Variants in MYLK3 observed in about 807,000 individuals in gnomAD.
MYLK3 encodes MLC kinase.
MYLK3 carries 55 observed loss-of-function variants against 76.3 expected under a neutral mutation model. The observed-to-expected ratio is 0.72, with a 90% CI of 0.58 to 0.90. MYLK3 has a LOEUF of 0.90. MYLK3 is among the 40% of genes least tolerant of loss of function. MYLK3 has a pLI of 0.00. For missense variants in MYLK3, 973 were observed against 1,053.6 expected, an observed-to-expected ratio of 0.92 and a Z score of 1.06; for synonymous variants, 416 against 425.4, an observed-to-expected ratio of 0.98 and a Z score of 0.27.
At chr16:46,725,133 T>G (rs1479728610) in intron 8 of MYLK3, among the ~76,000 whole-genome samples, 2 of 152,238 alleles carry the variant, frequency 1.3e-5, no homozygotes, top group Non-Finnish European at 2.9e-5. Flanking sequence ...AATTGATTTT[T>G]GTATATTTGT....
chr16:46,749,467 A>G (rs1967089879), upstream of MYLK3, among the ~76,000 whole-genome samples: 1 of 152,244 alleles, frequency 6.6e-6, no homozygotes, highest in African/African-American at 2.4e-5. Flanking sequence ...GACATTTGGA[A>G]TCTAAAAGCA....
At chr16:46,740,553 T>TATATATATA (rs1316569378) in intron 1 of MYLK3, among the ~76,000 whole-genome samples, 1 of 88,508 alleles carries the variant, frequency 1.1e-5, no homozygotes, top group Non-Finnish European at 2.2e-5. Context: ...ATATATATAT[T>TATATATATA]TTTTTTTTTT....
chr16:46,758,255 C>CCT lies in MYLK3; in HGVS notation c.-114+4783_-114+4784dup, dbSNP rs1216069672. Among the ~76,000 whole-genome samples, 8 of 143,802 alleles carry CCT rather than the reference C, an allele frequency of 5.6e-5. No homozygotes were observed. In the East Asian group the frequency reaches 8.5e-4, roughly 15 times the overall value. 94.3% of individuals were successfully genotyped at this position (143,802 alleles called of 152,430 possible). A position where few individuals can be genotyped will look rare whatever the true frequency, so the allele number is the denominator to read the frequency against. ...CACACTGCCATACACACACACACTG[C>CCT]CTCTCTCTCTCCACACACACACACA... On this transcript the variant is annotated intron_variant, in intron 1 of 11. Coordinates refer to the MYLK3 transcript ENST00000536476.
intron 1 of MYLK3, among the ~76,000 whole-genome samples, chr16:46,740,550 TA>T (rs1461874872): frequency 1.9e-4 from 19 of 98,096 alleles, no homozygotes; most frequent in African/African-American, 7.4e-4. Context: ...TATATATATA[TA>T]TTTTTTTTTT....
At chr16:46,708,402 G>A (rs1337731073) in intron 12 of MYLK3, among the ~76,000 whole-genome samples, 1 of 152,148 alleles carries the variant, frequency 6.6e-6, no homozygotes, top group African/African-American at 2.4e-5. Context: ...AAACCAAGTG[G>A]CACAGAATAG....
At position 46,706,633 on chromosome 16, in the gene MYLK3, G is replaced by C. The variant is rs1966629414; in HGVS notation, c.*1071C>G. 6.6e-6 allele frequency: 1 copy of C among 152,160 alleles called. No homozygotes were observed. The highest frequency in any genetic ancestry group is 1.5e-5 in the Non-Finnish European group (1 of 68,018). The allele number at this position is 152,160 out of a possible 1,614,324, so 9.4% of individuals were successfully genotyped here. On this transcript the variant is annotated 3_prime_UTR_variant, in exon 13 of 13. Transcript: ENST00000394809. ...TTACAATAAAGTAAGCTAGAGAAAA[G>C]TTACTAAAATCATAAGGAGGAAAAC... is the stretch of plus-strand genomic sequence containing the variant.
At position 46,719,196 on chromosome 16, in the gene MYLK3, G is replaced by A. The variant is rs560201954; in HGVS notation, c.1985+1927C>T. ...ACAAAAATTAGCTGGGCATGGTGGCGGCCACCTGTAATCCCAGCTACTTGG... is the reference window on the plus strand; with the variant it reads ...ACAAAAATTAGCTGGGCATGGTGGCAGCCACCTGTAATCCCAGCTACTTGG... On this transcript the variant is annotated intron_variant, in intron 9 of 12. Coordinates refer to ENST00000394809, the MANE Select transcript of MYLK3 (RefSeq NM_182493.3). 2.6e-3 allele frequency among the ~76,000 whole-genome samples: 388 copies of A among 151,990 alleles called. 13 individuals carry two copies. In the South Asian group the frequency reaches 0.049, roughly 19 times the overall value.
At chr16:46,726,801 T>A (rs1382796428) in intron 8 of MYLK3, 3 of 152,296 alleles carry the variant, frequency 2.0e-5, no homozygotes, top group African/African-American at 7.3e-5. Flanking sequence ...GAAGAATGCA[T>A]CGTAGGATCT....
At chr16:46,726,712 AGAAAGAAAG>A (rs1966842505) in intron 8 of MYLK3, 1 of 149,462 alleles carries the variant, frequency 6.7e-6, no homozygotes, top group African/African-American at 2.5e-5. Context: ...AAAGAAAGAA[AGAAAGAAAG>A]AAAGAAAGAA....
At chr16:46,712,808 G>C (rs200999804) in intron 9 of MYLK3, 32 bp from the exon 10 acceptor site, 1 of 1,548,180 alleles carries the variant, frequency 6.5e-7, no homozygotes, top group African/African-American at 1.4e-5. Flanking sequence ...AAAGAAGCAT[G>C]GGGTGAGGCC....
chr16:46,709,219 C>T (rs535887501), intron 12 of MYLK3, among the ~76,000 whole-genome samples: 19 of 152,114 alleles, frequency 1.2e-4, no homozygotes, highest in Admixed American at 7.2e-4. Flanking sequence ...GCCAGGAGTT[C>T]AAGACCATCC....
intron 1 of MYLK3, among the ~76,000 whole-genome samples, chr16:46,759,000 C>A (rs1967242181): frequency 6.6e-6 from 1 of 152,244 alleles, no homozygotes; most frequent in African/African-American, 2.4e-5. Context: ...ACAGCCACAG[C>A]CCTGCCAGGA....
At chr16:46,718,927 ACT>A (rs949758789) in intron 9 of MYLK3, among the ~76,000 whole-genome samples, 3 of 151,408 alleles carry the variant, frequency 2.0e-5, no homozygotes, top group Admixed American at 6.6e-5. Context: ...ACAGAGCAAG[ACT>A]CTGTCTGAAA....
In MYLK3 at chr16:46,703,071, A is replaced by G. The variant is rs755593001; in HGVS notation, c.*4633T>C. Among the ~76,000 whole-genome samples, 21 of 152,042 alleles carry G rather than the reference A, an allele frequency of 1.4e-4. No homozygotes were observed. Among genetic ancestry groups the G allele is most frequent in the Non-Finnish European group, 2.2e-4 (15 of 68,014 alleles). The stretch of plus-strand genomic sequence containing the variant: ...CACTGTTAAGTTTCTTGCATATCCT[A>G]CGGTTTTTTAATGCACATATAAGCA... On this transcript the variant is annotated 3_prime_UTR_variant, in exon 13 of 13. Coordinates refer to ENST00000394809, the MANE Select transcript of MYLK3 (RefSeq NM_182493.3).
intron 1 of MYLK3, among the ~76,000 whole-genome samples, chr16:46,760,569 G>A (rs1275297815): frequency 6.6e-6 from 1 of 152,228 alleles, no homozygotes; most frequent in African/African-American, 2.4e-5. Flanking sequence ...GCAAGGTGCA[G>A]GGGACATGAG....
intron 9 of MYLK3, among the ~76,000 whole-genome samples, chr16:46,719,585 C>A (rs1167955129): frequency 6.6e-6 from 1 of 152,154 alleles, no homozygotes; most frequent in Non-Finnish European, 1.5e-5. Flanking sequence ...TGTGACTGGA[C>A]TTCACAGCAC....
chr16:46,708,787 T>C (rs1966653112), intron 12 of MYLK3, among the ~76,000 whole-genome samples: 1 of 152,348 alleles, frequency 6.6e-6, no homozygotes, highest in South Asian at 2.1e-4. Flanking sequence ...GCTTTTAAGA[T>C]AGGTTTTATG....
upstream of MYLK3, chr16:46,748,398 C>A: frequency 1.0e-6 from 1 of 960,832 alleles, no homozygotes; most frequent in Non-Finnish European, 1.5e-6. The surrounding 1 kb of genome is among the most constrained non-coding windows in gnomAD (Gnocchi z 4.3). Flanking sequence ...TTATCTCCCA[C>A]CCTACACGGG....
chr16:46,713,875 C>T (rs1176462927), intron 9 of MYLK3, among the ~76,000 whole-genome samples: 2 of 152,224 alleles, frequency 1.3e-5, no homozygotes, highest in African/African-American at 4.8e-5. Context: ...TAATGCCCTA[C>T]AGGGTCATCC....
Sources: allele counts gnomAD v4.1 joint callset (sites outside exome capture counted in the v4.1 genomes callset), GRCh38; gene constraint gnomAD v4.1.1; non-coding constraint Gnocchi (gnomAD v3.1); transcripts MANE v1.5; gene names NCBI Gene and HGNC (gene_info 2026-07-23, HGNC 2026-07-21).